NAV3: variants seen among roughly 807,000 people sequenced by gnomAD.
NAV3 encodes neuron navigator 3, also known as pore membrane and/or filament interacting like protein 1.
In NAV3, 87 loss-of-function variants were observed where a neutral mutation model predicts 244.7. The ratio of observed to expected loss-of-function variants is 0.36; its 90% CI spans 0.30 to 0.42. NAV3 has a LOEUF of 0.42. Among genes scored for constraint, NAV3 ranks in the 20% least tolerant of loss-of-function variants. The probability of loss-of-function intolerance (pLI) is 1.00; values close to 1 mark genes in which losing one functional copy is unlikely to be tolerated. For missense variants in NAV3, 2,663 were observed against 2,893.3 expected (o/e 0.92, Z 1.83); for synonymous variants, 1,126 against 1,042.2 (o/e 1.08, Z -1.55).
At chr12:77,840,921 A>G (rs1239499891) in intron 1 of NAV3, among the ~76,000 whole-genome samples, 1 of 152,248 alleles carries the variant, frequency 6.6e-6, no homozygotes, top group Non-Finnish European at 1.5e-5. Flanking sequence ...ATACTGAGTC[A>G]CATAATAAGA....
At chr12:77,659,985 G>A (rs1239455789) in intron 2 of NAV3, among the ~76,000 whole-genome samples, 1 of 151,578 alleles carries the variant, frequency 6.6e-6, no homozygotes, top group Non-Finnish European at 1.5e-5. Context: ...GGGAGGGATA[G>A]CACTGGGAGA....
chr12:77,688,048 T>C (rs1221215810), intron 2 of NAV3, among the ~76,000 whole-genome samples: 1 of 152,100 alleles, frequency 6.6e-6, no homozygotes. Flanking sequence ...CATAGCCAAT[T>C]AAGACCCACA....
chr12:78,018,967 G>T (rs1162499392), intron 8 of NAV3, among the ~76,000 whole-genome samples: 1 of 152,146 alleles, frequency 6.6e-6, no homozygotes, highest in Non-Finnish European at 1.5e-5. Context: ...ACTGTCAGTA[G>T]ATGGGGGATA....
At chr12:77,990,457 T>C (rs1302505526) in intron 5 of NAV3, among the ~76,000 whole-genome samples, 2 of 152,212 alleles carry the variant, frequency 1.3e-5, no homozygotes, top group Admixed American at 6.5e-5. Context: ...TTTCAGTTCA[T>C]TGATACTATC....
At chr12:77,704,614 TC>T (rs1483797667) in intron 2 of NAV3, among the ~76,000 whole-genome samples, 2 of 152,178 alleles carry the variant, frequency 1.3e-5, no homozygotes, top group Non-Finnish European at 2.9e-5. Flanking sequence ...TTTTCCATAG[TC>T]CTTAATTGCT....
chr12:77,755,759 G>C (rs1869141319), intron 2 of NAV3, among the ~76,000 whole-genome samples: 1 of 146,666 alleles, frequency 6.8e-6, no homozygotes. Flanking sequence ...TCTTCGTCAG[G>C]GTCTTGCCTT....
Position 78,118,279 on chromosome 12 carries a change from A to G in NAV3, c.3022A>G (p.Ser1008Gly). ...GAPSRQKAGT[S>G]ALKTPGKTDD... Reference sequence around the variant, plus strand: ...GCCATCTAGGCAGAAAGCTGGAACAAGTGCACTCAAAACACCCGGTAGGCT... The same window carrying G: ...GCCATCTAGGCAGAAAGCTGGAACAGGTGCACTCAAAACACCCGGTAGGCT... The change falls in exon 14 of 40, where the codon AGT (serine) becomes GGT (glycine). Residue 1008 changes from serine to glycine, a missense_variant. Ser to Gly is a moderately conservative substitution (Grantham distance 56, BLOSUM62 0). This residue lies in a region of NAV3 where 1,521 missense variants were observed against 1,497.0 expected (regional missense o/e 1.02). Transcript: ENST00000397909. 2 of 1,607,264 alleles carry G rather than the reference A, an allele frequency of 1.2e-6. No homozygotes were observed. Among genetic ancestry groups the G allele is most frequent in the Non-Finnish European group, 1.7e-6 (2 of 1,174,884 alleles).
At chr12:78,179,281 G>C (rs573559979) in intron 28 of NAV3, 2 of 364,588 alleles carry the variant, frequency 5.5e-6, no homozygotes, top group Non-Finnish European at 9.8e-6. Flanking sequence ...TTTATATTCA[G>C]TAAGAGTAGA....
At chr12:77,979,802 G>A (rs748947178) in intron 5 of NAV3, among the ~76,000 whole-genome samples, 21 of 151,610 alleles carry the variant, frequency 1.4e-4, no homozygotes, top group Non-Finnish European at 2.8e-4. Context: ...CCCAGTCACT[G>A]CTTACTAATA....
chr12:77,587,330 T>C (rs77385834), intron 2 of NAV3, among the ~76,000 whole-genome samples: 3,953 of 152,232 alleles, frequency 0.026, 68 homozygotes, highest in African/African-American at 0.048. Flanking sequence ...AAAGAAACCA[T>C]AAAATACTTA....
rs915743997 is a variant in NAV3 at position 78,188,155 on chromosome 12, A to G, written c.5791-93A>G. On this transcript the variant is annotated intron_variant, in intron 31 of 39. Coordinates refer to ENST00000397909, the MANE Select transcript of NAV3 (RefSeq NM_001024383.2). ...AGGTTTAACAAATAGTTTAGTCTTA[A>G]CAACAACTACATTAACTAATTTTAG... The G allele has an allele frequency of 2.1e-4, 199 of 932,644 alleles. 2 individuals carry two copies. Among genetic ancestry groups the G allele is most frequent in the Middle Eastern group, 2.0e-3 (9 of 4,432 alleles). 57.8% of individuals were successfully genotyped at this position (932,644 alleles called of 1,614,324 possible). A position where few individuals can be genotyped will look rare whatever the true frequency, so the allele number is the denominator to read the frequency against.
At chr12:77,927,946 C>T (rs899069382) in intron 1 of NAV3, among the ~76,000 whole-genome samples, 1 of 151,944 alleles carries the variant, frequency 6.6e-6, no homozygotes, top group African/African-American at 2.4e-5. Context: ...GCTGGAAGTG[C>T]ACGGTGACTC....
At chr12:77,717,418 C>T (rs1876411533) in intron 2 of NAV3, among the ~76,000 whole-genome samples, 1 of 152,074 alleles carries the variant, frequency 6.6e-6, no homozygotes, top group Admixed American at 6.6e-5. Context: ...ATGATGTCCT[C>T]AAGTTTCATC....
intron 2 of NAV3, among the ~76,000 whole-genome samples, chr12:77,613,531 A>G (rs561481324): frequency 1.3e-5 from 2 of 152,188 alleles, no homozygotes; most frequent in South Asian, 4.1e-4. Context: ...CTTGTTTCCT[A>G]TTATTCTTTC....
At chr12:78,170,885 C>T (rs2139585704) in intron 24 of NAV3, among the ~76,000 whole-genome samples, 1 of 151,760 alleles carries the variant, frequency 6.6e-6, no homozygotes, top group East Asian at 1.9e-4. Flanking sequence ...CTGGAAGCAG[C>T]AATACTTCCC....
chr12:77,911,911 T>C (rs912835856), intron 1 of NAV3, among the ~76,000 whole-genome samples: 1 of 152,090 alleles, frequency 6.6e-6, no homozygotes, highest in Non-Finnish European at 1.5e-5. Flanking sequence ...AGAAACACAG[T>C]CTTTATTATC....
chr12:78,135,198 A>C (rs1440391090), intron 18 of NAV3, among the ~76,000 whole-genome samples: 3 of 152,170 alleles, frequency 2.0e-5, no homozygotes, highest in Non-Finnish European at 1.5e-5. Context: ...TTTACATATT[A>C]ACTTTTCTCC....
chr12:77,955,847 G>T (rs1166623011), intron 3 of NAV3, among the ~76,000 whole-genome samples: 2 of 152,104 alleles, frequency 1.3e-5, no homozygotes, highest in Non-Finnish European at 2.9e-5. Flanking sequence ...GCCAGCCTGG[G>T]CAATGGGAGT....
rs973160006 is a variant in NAV3, at chr12:77,968,803, G to A, written c.671+101G>A. The A allele has an allele frequency of 1.5e-5, 17 of 1,118,182 alleles. No homozygotes were observed. The African/African-American group carries it at 1.7e-4, about 11-fold the overall frequency. The allele number at this position is 1,118,182 out of a possible 1,614,324, so 69.3% of individuals were successfully genotyped here. On this transcript the variant is annotated intron_variant, in intron 5 of 39. Transcript: ENST00000397909. ...ATGAGTTTGAAAAACGTACTCATGTGCTTGTATCAGTGTGATGGGATTATT... is the reference window on the plus strand; with the variant it reads ...ATGAGTTTGAAAAACGTACTCATGTACTTGTATCAGTGTGATGGGATTATT...
Sources: allele counts gnomAD v4.1 joint callset (sites outside exome capture counted in the v4.1 genomes callset), GRCh38; gene constraint gnomAD v4.1.1; regional missense constraint gnomAD v4.1.1; transcripts MANE v1.5; gene names NCBI Gene and HGNC (gene_info 2026-07-23, HGNC 2026-07-21).